Variants in DCDC1 observed in about 807,000 individuals in gnomAD.
DCDC1 encodes the protein doublecortin domain-containing protein 1.
In DCDC1, 200 loss-of-function variants were observed where a neutral mutation model predicts 178.3. That is an observed-to-expected ratio of 1.12 (90% CI 1.00 to 1.26). The LOEUF is 1.26. Among genes scored for constraint, DCDC1 ranks in the 50% most tolerant of loss-of-function variants. DCDC1 has a pLI of 0.00. For synonymous variants in DCDC1, 690 were observed against 604.8 expected (o/e 1.14, Z -2.07); for missense variants, 1,983 against 1,749.2 (o/e 1.13, Z -2.38).
intron 21 of DCDC1, among the ~76,000 whole-genome samples, chr11:30,946,600 G>A (rs2134435994): frequency 6.6e-6 from 1 of 152,246 alleles, no homozygotes; most frequent in Admixed American, 6.5e-5. Flanking sequence ...ATGATCAAAA[G>A]TGCTGCAACT....
chr11:30,899,722 C>A, intron 33 of DCDC1, 80 bp from the exon 34 acceptor site: 2 of 1,001,980 alleles, frequency 2.0e-6, no homozygotes, highest in South Asian at 2.8e-5. Flanking sequence ...ACTTTCTGCT[C>A]AAAGAAATAG....
rs754781846 is a variant in DCDC1 at position 31,102,239 on chromosome 11, T to C, written c.1921A>G (p.Ser641Gly). ...TCAAACTGGTCAGGTATCTGTTGACTGGTACAGTTGAAATTAATTGGAAAT... is the reference window on the plus strand; with the variant it reads ...TCAAACTGGTCAGGTATCTGTTGACCGGTACAGTTGAAATTAATTGGAAAT... ...EGFPINFNCT[S>G]QQIPDQFEKV... Residue 641 changes from serine (S) to glycine (G), a missense_variant, in exon 15 of 39, where the codon AGT (serine) becomes GGT (glycine). By Grantham distance (56) the Ser-to-Gly change is moderately conservative. Transcript: ENST00000684477. 2.7e-6 allele frequency: 2 copies of C among 736,306 alleles called. No individual in the cohort carries two copies. Among genetic ancestry groups the C allele is most frequent in the Non-Finnish European group, 5.0e-6 (2 of 398,678 alleles). The allele number at this position is 736,306 out of a possible 1,614,324, so 45.6% of individuals were successfully genotyped here.
chr11:30,927,927 T>TA (rs34120455), intron 22 of DCDC1, among the ~76,000 whole-genome samples: 15,211 of 152,072 alleles, frequency 0.1, 950 homozygotes, highest in Admixed American at 0.19. Flanking sequence ...CTTGATTTGG[T>TA]AAAAAAATAC....
intron 20 of DCDC1, among the ~76,000 whole-genome samples, chr11:31,035,552 A>G (rs1051317441): frequency 2.6e-5 from 4 of 152,218 alleles, no homozygotes. Flanking sequence ...AGTACCACAG[A>G]GCTGTGTGTG....
At chr11:31,150,604 A>G (rs151224873) in intron 9 of DCDC1, among the ~76,000 whole-genome samples, 7 of 152,286 alleles carry the variant, frequency 4.6e-5, no homozygotes, top group African/African-American at 1.7e-4. Context: ...TTCTATCTGT[A>G]TAAAGAGAAA....
chr11:31,110,433 A>G, intron 11 of DCDC1, 72 bp from the exon 12 acceptor site: 1 of 611,672 alleles, frequency 1.6e-6, no homozygotes, highest in Non-Finnish European at 3.0e-6. Flanking sequence ...ATACATACTT[A>G]GATAAATTTA....
chr11:31,182,369 C>A (rs916314011), intron 9 of DCDC1, among the ~76,000 whole-genome samples: 1 of 152,210 alleles, frequency 6.6e-6, no homozygotes, highest in Non-Finnish European at 1.5e-5. Flanking sequence ...ATCAGACTAA[C>A]AGCAGATCTC....
intron 17 of DCDC1, among the ~76,000 whole-genome samples, chr11:31,083,318 G>A (rs1489312895): frequency 6.6e-6 from 1 of 152,204 alleles, no homozygotes; most frequent in Non-Finnish European, 1.5e-5. Context: ...ATTCAGTTCT[G>A]TATTTATTCT....
At chr11:30,914,543 C>G (rs1945684791) in intron 27 of DCDC1, among the ~76,000 whole-genome samples, 1 of 150,304 alleles carries the variant, frequency 6.7e-6, no homozygotes, top group South Asian at 2.1e-4. Flanking sequence ...CACCATATCA[C>G]ACTAATGGTA....
At chr11:30,940,147 T>G (rs764120926) in intron 21 of DCDC1, among the ~76,000 whole-genome samples, 12 of 152,224 alleles carry the variant, frequency 7.9e-5, no homozygotes, top group Admixed American at 5.9e-4. Flanking sequence ...ATAGAACTTA[T>G]GTTAATCATT....
chr11:31,175,885 C>T (rs1304566751), intron 9 of DCDC1, among the ~76,000 whole-genome samples: 1 of 152,160 alleles, frequency 6.6e-6, no homozygotes, highest in Admixed American at 6.5e-5. Flanking sequence ...CCAACAGACA[C>T]CTATCTACAG....
intron 28 of DCDC1, among the ~76,000 whole-genome samples, chr11:30,910,094 T>C (rs936612773): frequency 6.6e-6 from 1 of 152,350 alleles, no homozygotes; most frequent in Non-Finnish European, 1.5e-5. Flanking sequence ...AAGGGTCTAG[T>C]AGCATTAACC....
Position 31,109,273 on chromosome 11 carries a change from A to G in DCDC1, c.1587+987T>C, listed in dbSNP as rs796397493. 2.0e-5 allele frequency among the ~76,000 whole-genome samples: 3 copies of G among 152,032 alleles called. No homozygotes were observed. The South Asian group carries it at 6.2e-4, about 32-fold the overall frequency. ...ACTGGGACTACAGGCACATGCCACC[A>G]TGCCAGGCTAATTTTTTTTATTTTT... On this transcript the variant is annotated intron_variant, in intron 12 of 38. Transcript: ENST00000684477.
intron 28 of DCDC1, among the ~76,000 whole-genome samples, chr11:30,910,398 T>C (rs1171928180): frequency 6.6e-6 from 1 of 152,230 alleles, no homozygotes; most frequent in Non-Finnish European, 1.5e-5. Context: ...CTCTATCTCC[T>C]AGAATAATTT....
chr11:31,250,445 T>TATATATATA, intron 8 of DCDC1, among the ~76,000 whole-genome samples: 1 of 136,778 alleles, frequency 7.3e-6, no homozygotes, highest in African/African-American at 2.8e-5. Context: ...TATATATATA[T>TATATATATA]CCCTGCCTGG....
At chr11:31,363,478 G>A (rs1242600222) in intron 1 of DCDC1, among the ~76,000 whole-genome samples, 2 of 152,118 alleles carry the variant, frequency 1.3e-5, no homozygotes, top group African/African-American at 2.4e-5. Flanking sequence ...TACAAAAGAT[G>A]AGGCTCATTA....
intron 15 of DCDC1, among the ~76,000 whole-genome samples, chr11:31,099,776 T>A (rs555357125): frequency 1.3e-5 from 2 of 150,348 alleles, no homozygotes; most frequent in African/African-American, 2.5e-5. Context: ...TGGAGTGCAG[T>A]GGCGCAATCT....
intron 25 of DCDC1, among the ~76,000 whole-genome samples, chr11:30,918,894 T>G: frequency 6.6e-6 from 1 of 152,154 alleles, no homozygotes. Context: ...TTCTTTTCCA[T>G]TTTTCTTATT....
intron 11 of DCDC1, among the ~76,000 whole-genome samples, chr11:31,124,230 G>T (rs1961254133): frequency 6.6e-6 from 1 of 151,960 alleles, no homozygotes. Context: ...TTAACATAAA[G>T]GGATGTTGAA....
Sources: allele counts gnomAD v4.1 joint callset (sites outside exome capture counted in the v4.1 genomes callset), GRCh38; gene constraint gnomAD v4.1.1; transcripts MANE v1.5; gene names NCBI Gene and HGNC (gene_info 2026-07-23, HGNC 2026-07-21).